STK32B: variants seen among roughly 807,000 people sequenced by gnomAD.
STK32B encodes the protein serine/threonine-protein kinase 32B.
Under a neutral mutation model 52.6 loss-of-function variants are expected in STK32B, and 43 were observed. That is an observed-to-expected ratio of 0.82 (90% CI 0.64 to 1.05). The LOEUF (loss-of-function observed/expected upper bound fraction) is 1.05. STK32B is among the 50% of genes least tolerant of loss of function. STK32B has a pLI of 0.00. For synonymous variants in STK32B, 238 were observed against 204.3 expected (o/e 1.17, Z -1.41); for missense variants, 621 against 534.6 (o/e 1.16, Z -1.59).
intron 4 of STK32B, among the ~76,000 whole-genome samples, chr4:5,339,776 C>T (rs1261266381): frequency 6.6e-6 from 1 of 152,126 alleles, no homozygotes; most frequent in East Asian, 1.9e-4. Context: ...CTGAAAAATG[C>T]TCCTGATTAA....
chr4:5,321,056 G>A (rs1731454559), intron 3 of STK32B, among the ~76,000 whole-genome samples: 2 of 152,112 alleles, frequency 1.3e-5, no homozygotes, highest in African/African-American at 4.8e-5. Context: ...GAGTACAAAA[G>A]GGCTTTGAAG....
chr4:5,354,606 G>C (rs1166504062), intron 4 of STK32B, among the ~76,000 whole-genome samples: 1 of 152,110 alleles, frequency 6.6e-6, no homozygotes, highest in Non-Finnish European at 1.5e-5. Flanking sequence ...AGCAGAGAAG[G>C]GTGACTCGTT....
intron 3 of STK32B, among the ~76,000 whole-genome samples, chr4:5,213,022 C>A (rs900493343): frequency 2.0e-5 from 3 of 152,146 alleles, no homozygotes; most frequent in African/African-American, 7.2e-5. Flanking sequence ...AGCATGAATT[C>A]ACTTAGTTGT....
intron 11 of STK32B, among the ~76,000 whole-genome samples, chr4:5,485,477 T>G (rs967888254): frequency 6.6e-6 from 1 of 152,210 alleles, no homozygotes; most frequent in Non-Finnish European, 1.5e-5. Flanking sequence ...GTTATTCTAC[T>G]TAGCCATTCG....
At chr4:5,471,694 T>G (rs552260281) in intron 11 of STK32B, among the ~76,000 whole-genome samples, 1 of 152,086 alleles carries the variant, frequency 6.6e-6, no homozygotes, top group South Asian at 2.1e-4. Flanking sequence ...CGTTTTAATA[T>G]GTCCCACAAG....
rs765981018 is a variant in STK32B at position 5,229,166 on chromosome 4, TA to T, written c.260+60726del. 2.2e-4 allele frequency among the ~76,000 whole-genome samples: 33 copies of T among 146,674 alleles called. 1 individual carries two copies. The highest frequency in any genetic ancestry group is 1.6e-3 in the East Asian group (8 of 5,056). The stretch of plus-strand genomic sequence containing the variant: ...AGGGTTGCCAGATACTTTCAATTTG[TA>T]AAAAAAAAATGCAATATCTGCAAAG... On this transcript the variant is annotated intron_variant, in intron 3 of 11. Transcript: ENST00000282908.
chr4:5,295,567 G>T (rs375172991), intron 3 of STK32B, among the ~76,000 whole-genome samples: 1 of 152,066 alleles, frequency 6.6e-6, no homozygotes, highest in Non-Finnish European at 1.5e-5. Context: ...GCATAGAGGT[G>T]TTTATAGTAT....
chr4:5,060,147 G>C (rs1240979058), intron 1 of STK32B, among the ~76,000 whole-genome samples: 3 of 152,106 alleles, frequency 2.0e-5, no homozygotes, highest in Non-Finnish European at 4.4e-5. Context: ...TGTATTTGTA[G>C]TGGAGACAGA....
intron 11 of STK32B, among the ~76,000 whole-genome samples, chr4:5,498,739 C>T (rs1163172102): frequency 2.0e-5 from 3 of 152,228 alleles, no homozygotes; most frequent in Non-Finnish European, 4.4e-5. Context: ...AAGTAACTCA[C>T]CCAAGTGCAC....
intron 6 of STK32B, among the ~76,000 whole-genome samples, chr4:5,427,409 T>C (rs1180500078): frequency 6.6e-6 from 1 of 152,212 alleles, no homozygotes; most frequent in African/African-American, 2.4e-5. Flanking sequence ...GGCAACGTAG[T>C]TGAGAAGTGT....
chr4:5,304,325 C>G (rs1043663150), intron 3 of STK32B, among the ~76,000 whole-genome samples: 1 of 151,922 alleles, frequency 6.6e-6, no homozygotes, highest in African/African-American at 2.4e-5. Flanking sequence ...GGATGTGTTT[C>G]CATCTGTGTC....
intron 4 of STK32B, among the ~76,000 whole-genome samples, chr4:5,363,193 G>A (rs1158480124): frequency 6.6e-6 from 1 of 152,224 alleles, no homozygotes; most frequent in Non-Finnish European, 1.5e-5. Flanking sequence ...ATGCAGTCAT[G>A]AAAGTATACA....
chr4:5,247,340 G>C (rs917972007), intron 3 of STK32B, among the ~76,000 whole-genome samples: 26 of 152,328 alleles, frequency 1.7e-4, no homozygotes, highest in African/African-American at 6.3e-4. Context: ...CTAGCAATGA[G>C]CGAGGCTCCA....
chr4:5,163,026 C>G (rs1718565848), intron 2 of STK32B, among the ~76,000 whole-genome samples: 1 of 152,332 alleles, frequency 6.6e-6, no homozygotes, highest in Non-Finnish European at 1.5e-5. Flanking sequence ...CACTGACCTG[C>G]TCTGGGCCAT....
chr4:5,212,870 G>A lies in STK32B; in HGVS notation c.260+44420G>A, dbSNP rs535054339. Among the ~76,000 whole-genome samples, 7 of 152,208 alleles carry A rather than the reference G, an allele frequency of 4.6e-5. No homozygotes were observed. In the South Asian group the frequency reaches 1.5e-3, roughly 32 times the overall value. The stretch of plus-strand genomic sequence containing the variant: ...AGGAAACACGCTTTTTATGACCCTG[G>A]CGGAGATAAATCAATGATCGCAGGC... On this transcript the variant is annotated intron_variant, in intron 3 of 11. Transcript: ENST00000282908.
intron 1 of STK32B, among the ~76,000 whole-genome samples, chr4:5,091,156 AC>A (rs1713058886): frequency 6.6e-6 from 1 of 152,202 alleles, no homozygotes; most frequent in Non-Finnish European, 1.5e-5. Context: ...GCCAGATTTC[AC>A]CTTGGGCAAG....
intron 4 of STK32B, among the ~76,000 whole-genome samples, chr4:5,385,067 G>A (rs923374790): frequency 1.3e-5 from 2 of 152,148 alleles, no homozygotes; most frequent in African/African-American, 4.8e-5. Context: ...ACAGGTGACT[G>A]CAACAAGGAA....
At chr4:5,473,142 G>A (rs911066670) in intron 11 of STK32B, among the ~76,000 whole-genome samples, 17 of 152,254 alleles carry the variant, frequency 1.1e-4, no homozygotes, top group Middle Eastern at 3.4e-3. Flanking sequence ...CTAATCTCCC[G>A]TCTCCTAGTT....
At chr4:5,478,356 T>C (rs1347481517) in intron 11 of STK32B, among the ~76,000 whole-genome samples, 1 of 152,168 alleles carries the variant, frequency 6.6e-6, no homozygotes, top group East Asian at 1.9e-4. Flanking sequence ...AGAGAATCCC[T>C]TGCGTTTTGC....
Sources: gnomAD v4.1 joint callset for allele counts (sites outside exome capture counted in the v4.1 genomes callset) on GRCh38, gnomAD v4.1.1 for gene constraint, MANE v1.5 for transcripts, NCBI Gene and HGNC (gene_info 2026-07-23, HGNC 2026-07-21) for gene names.